Variants in SPOCK1 observed in about 807,000 individuals in gnomAD.
SPOCK1 encodes testican-1.
Under a neutral mutation model 55.3 loss-of-function variants are expected in SPOCK1, and 23 were observed. The observed-to-expected ratio is 0.42, with a 90% confidence interval of 0.30 to 0.59. The LOEUF (loss-of-function observed/expected upper bound fraction) is 0.59. Ranked by LOEUF, SPOCK1 falls within the 20% of genes least tolerant of loss-of-function variation. The probability of loss-of-function intolerance (pLI) is 0.22; values close to 1 mark genes in which losing one functional copy is unlikely to be tolerated. For synonymous variants in SPOCK1, 226 were observed against 221.0 expected, an observed-to-expected ratio of 1.02 and a Z score of -0.20; for missense variants, 499 against 552.5, an observed-to-expected ratio of 0.90 and a Z score of 0.97.
chr5:137,335,320 A>G (rs13158377), intron 2 of SPOCK1, among the ~76,000 whole-genome samples: 19,207 of 152,272 alleles, frequency 0.13, 1,523 homozygotes, highest in East Asian at 0.24. Flanking sequence ...TTTAAAAAAT[A>G]TGCATCAGCA....
intron 2 of SPOCK1, among the ~76,000 whole-genome samples, chr5:137,280,221 A>T (rs1261086465): frequency 7.5e-6 from 1 of 133,508 alleles, no homozygotes; most frequent in East Asian, 2.4e-4. Flanking sequence ...TTATATGATA[A>T]AAAAAATACA....
intron 9 of SPOCK1, among the ~76,000 whole-genome samples, chr5:136,980,997 C>T (rs73290179): frequency 0.011 from 1,745 of 152,144 alleles, 21 homozygotes; most frequent in Middle Eastern, 0.11. Flanking sequence ...CTGATAGTAT[C>T]CATTTCAACT....
intron 4 of SPOCK1, among the ~76,000 whole-genome samples, chr5:137,138,528 C>CACAT (rs1554099620): frequency 1.7e-4 from 20 of 114,886 alleles, no homozygotes; most frequent in South Asian, 1.1e-3. Flanking sequence ...CACACACACA[C>CACAT]CACACACACA....
intron 2 of SPOCK1, among the ~76,000 whole-genome samples, chr5:137,277,562 G>A (rs1321875754): frequency 6.6e-6 from 1 of 152,160 alleles, no homozygotes; most frequent in African/African-American, 2.4e-5. Flanking sequence ...TGATACAGGA[G>A]ATACCAAGAA....
At chr5:137,323,820 A>G (rs1331148632) in intron 2 of SPOCK1, among the ~76,000 whole-genome samples, 1 of 152,224 alleles carries the variant, frequency 6.6e-6, no homozygotes, top group Non-Finnish European at 1.5e-5. Flanking sequence ...CCAAAAACAC[A>G]AAAGATAAGT....
intron 3 of SPOCK1, among the ~76,000 whole-genome samples, chr5:137,194,825 A>G (rs13169806): frequency 0.17 from 25,475 of 152,088 alleles, 2,454 homozygotes; most frequent in South Asian, 0.26. Flanking sequence ...TCCCATAAGC[A>G]CCAGCCCTGA....
intron 6 of SPOCK1, among the ~76,000 whole-genome samples, chr5:137,039,725 C>T (rs148734110): frequency 1.3e-5 from 2 of 152,326 alleles, no homozygotes; most frequent in East Asian, 3.9e-4. Flanking sequence ...AAACCCAAAG[C>T]TGTTATTAGC....
Position 137,450,541 on chromosome 5 carries a change from CCCATGCTTAGAAGGG to C in SPOCK1, c.186+47817_186+47831del, listed in dbSNP as rs768769387. Among the ~76,000 whole-genome samples the C allele has an allele frequency of 8.4e-4, 128 of 152,216 alleles. 1 individual carries two copies. Among genetic ancestry groups the C allele is most frequent in the Admixed American group, 2.4e-3 (37 of 15,286 alleles). On this transcript the variant is annotated intron_variant, in intron 2 of 10. Transcript: ENST00000394945. ...GTGTGACCTGCGCATTCACATAGGG[CCCATGCTTAGAAGGG>C]CCATGCTCTGCTATTGCCATCTTGA...
intron 6 of SPOCK1, among the ~76,000 whole-genome samples, chr5:136,999,839 A>T (rs926608216): frequency 6.6e-6 from 1 of 152,208 alleles, no homozygotes; most frequent in African/African-American, 2.4e-5. Context: ...GGGATGTCCG[A>T]AAATGGCAAA....
intron 2 of SPOCK1, among the ~76,000 whole-genome samples, chr5:137,410,529 T>C (rs935065200): frequency 2.0e-5 from 3 of 152,238 alleles, no homozygotes; most frequent in African/African-American, 7.2e-5. Context: ...GGTTCTGTTA[T>C]TGGTTTCATT....
intron 6 of SPOCK1, among the ~76,000 whole-genome samples, chr5:137,019,918 T>C (rs1441247024): frequency 6.6e-6 from 1 of 151,998 alleles, no homozygotes; most frequent in African/African-American, 2.4e-5. Flanking sequence ...GCCATATAAG[T>C]TAGAGCTAAA....
intron 5 of SPOCK1, among the ~76,000 whole-genome samples, chr5:137,077,175 C>T (rs1489953135): frequency 6.6e-5 from 10 of 152,240 alleles, no homozygotes; most frequent in Non-Finnish European, 2.9e-5. Context: ...CCACCCGCCT[C>T]GTCCTCCCAA....
At chr5:137,135,255 T>C (rs1753959027) in intron 4 of SPOCK1, among the ~76,000 whole-genome samples, 1 of 152,196 alleles carries the variant, frequency 6.6e-6, no homozygotes, top group Non-Finnish European at 1.5e-5. Context: ...TGAAAATCAA[T>C]GGCAACAGAG....
At chr5:137,479,204 G>A (rs570895400) in intron 2 of SPOCK1, among the ~76,000 whole-genome samples, 10 of 152,136 alleles carry the variant, frequency 6.6e-5, no homozygotes, top group South Asian at 4.2e-4. Flanking sequence ...TATCTGTCCC[G>A]TGACTAACGG....
At chr5:137,383,803 C>T (rs1437059669) in intron 2 of SPOCK1, among the ~76,000 whole-genome samples, 6 of 152,248 alleles carry the variant, frequency 3.9e-5, no homozygotes, top group Admixed American at 3.3e-4. Flanking sequence ...CTCTTTCAGG[C>T]ATTGGAGTCT....
chr5:137,107,656 A>G (rs2127029433), intron 5 of SPOCK1, among the ~76,000 whole-genome samples: 1 of 152,280 alleles, frequency 6.6e-6, no homozygotes, highest in Admixed American at 6.5e-5. Context: ...GGGCATTAGA[A>G]GAGGCCTGCT....
At chr5:137,307,817 A>G (rs148902568) in intron 2 of SPOCK1, among the ~76,000 whole-genome samples, 1 of 152,336 alleles carries the variant, frequency 6.6e-6, no homozygotes, top group East Asian at 1.9e-4. Context: ...GGTGACTGCC[A>G]ACATCTGAAG....
intron 2 of SPOCK1, among the ~76,000 whole-genome samples, chr5:137,341,839 T>A (rs1170199090): frequency 6.6e-6 from 1 of 152,164 alleles, no homozygotes; most frequent in Non-Finnish European, 1.5e-5. Flanking sequence ...TACAGCAACA[T>A]CTCTAAAAAC....
At chr5:137,019,755 A>C (rs1005405523) in intron 6 of SPOCK1, among the ~76,000 whole-genome samples, 1 of 152,082 alleles carries the variant, frequency 6.6e-6, no homozygotes, top group South Asian at 2.1e-4. Context: ...GACAGAAGAA[A>C]AGTGCCCACA....
Sources: gnomAD v4.1 joint callset for allele counts (sites outside exome capture counted in the v4.1 genomes callset) on GRCh38, gnomAD v4.1.1 for gene constraint, MANE v1.5 for transcripts, NCBI Gene and HGNC (gene_info 2026-07-23, HGNC 2026-07-21) for gene names.